Variants in TTC21A observed in about 807,000 individuals in gnomAD.
TTC21A encodes the protein tetratricopeptide repeat domain 21A, also known as tetratricopeptide repeat protein 21A.
In TTC21A, 128 loss-of-function variants were observed where a neutral mutation model predicts 156.4. That is an observed-to-expected ratio of 0.82 (90% CI 0.71 to 0.95). The LOEUF (loss-of-function observed/expected upper bound fraction) is 0.95. Among genes scored for constraint, TTC21A ranks in the 40% least tolerant of loss-of-function variants. The probability of loss-of-function intolerance (pLI) is 0.00; values close to 1 mark genes in which losing one functional copy is unlikely to be tolerated. For synonymous variants in TTC21A, 587 were observed against 617.1 expected (o/e 0.95, Z 0.72); for missense variants, 1,435 against 1,602.3 (o/e 0.90, Z 1.78).
intron 24 of TTC21A, 48 bp from the exon 25 acceptor site, chr3:39,137,147 C>A (rs752600826): frequency 6.3e-7 from 1 of 1,598,144 alleles, no homozygotes; most frequent in Non-Finnish European, 8.5e-7. Context: ...GAGGGCCACA[C>A]GGGCAGGCCA....
rs2037584644 is a variant in TTC21A at position 39,119,652 on chromosome 3, A to G, written c.802-270A>G. ...CAGTCAAAAAAAAAAAAGAAAAAAA[A>G]GAAAAAAAAAAAACAAATTCAAGAA... On this transcript the variant is annotated intron_variant, in intron 7 of 28. Transcript: ENST00000683103. The G allele has an allele frequency of 1.8e-5, 5 of 271,010 alleles. No individual in the cohort carries two copies. In the East Asian group the frequency reaches 2.2e-4, roughly 12 times the overall value. 16.8% of individuals were successfully genotyped at this position (271,010 alleles called of 1,614,324 possible).
intron 7 of TTC21A, chr3:39,119,081 A>T (rs2125787505): frequency 1.3e-5 from 2 of 152,360 alleles, no homozygotes; most frequent in East Asian, 3.9e-4. Flanking sequence ...AGTTAATCCC[A>T]GGGGCAGACT....
chr3:39,115,287 A>G (rs2037183485), intron 6 of TTC21A, among the ~76,000 whole-genome samples: 1 of 152,014 alleles, frequency 6.6e-6, no homozygotes, highest in African/African-American at 2.4e-5. Context: ...ATCTGGAAGC[A>G]TTGTGAAGAG....
intron 9 of TTC21A, among the ~76,000 whole-genome samples, chr3:39,124,625 C>T (rs1274312243): frequency 8.7e-6 from 1 of 114,360 alleles, no homozygotes; most frequent in Non-Finnish European, 1.8e-5. Flanking sequence ...TGCCACTTCA[C>T]TCCAGCCTGG....
Position 39,126,403 on chromosome 3 carries a change from T to A in TTC21A, c.1522+13T>A. Reference sequence around the variant, plus strand: ...AGGTATTACTCAGGTGAGCGGGGGATCCTGACAGCCGGGTGGGGCCTTGCA... The same window carrying A: ...AGGTATTACTCAGGTGAGCGGGGGAACCTGACAGCCGGGTGGGGCCTTGCA... On this transcript the variant is annotated intron_variant, in intron 12 of 28. Transcript: ENST00000683103. 6.2e-7 allele frequency: 1 copy of A among 1,610,358 alleles called. No individual in the cohort carries two copies. The highest frequency in any genetic ancestry group is 8.5e-7 in the Non-Finnish European group (1 of 1,178,082).
intron 5 of TTC21A, among the ~76,000 whole-genome samples, chr3:39,113,039 T>G (rs1047491708): frequency 1.3e-5 from 2 of 152,204 alleles, no homozygotes; most frequent in Non-Finnish European, 2.9e-5. Flanking sequence ...AGTTTCTTTT[T>G]TCTCTTGTGA....
At position 39,128,716 on chromosome 3, in the gene TTC21A, G is replaced by A. The variant is rs2038472788; in HGVS notation, c.1681-1G>A. On this transcript the variant is annotated splice_acceptor_variant, in intron 13 of 28. Coordinates refer to ENST00000683103, the MANE Select transcript of TTC21A (RefSeq NM_001366900.1). LOFTEE classifies it high-confidence loss of function. ...CCCACACTCTGCTGTGCTCCTCCTAGGTCCGAGATCACCCCCTCTACCACC... is the reference window on the plus strand; with the variant it reads ...CCCACACTCTGCTGTGCTCCTCCTAAGTCCGAGATCACCCCCTCTACCACC... 10 of 1,613,944 alleles carry A rather than the reference G, an allele frequency of 6.2e-6. No individual in the cohort carries two copies. The highest frequency in any genetic ancestry group is 2.7e-5 in the African/African-American group (2 of 75,020).
In TTC21A at chr3:39,130,485, AATGGG is replaced by A; in HGVS notation, c.2319+128_2319+132del. On this transcript the variant is annotated intron_variant, in intron 17 of 28. Coordinates refer to ENST00000683103, the MANE Select transcript of TTC21A (RefSeq NM_001366900.1). This position sits in a 1 kb window ranked among gnomAD's most constrained non-coding sequence, Gnocchi z 4.5. ...TGACTTTTCACTCAGCTCCTTGCTG[AATGGG>A]GTGCCAAGGGGAGAACTCAGCAACT... 1 of 942,180 alleles carries A rather than the reference AATGGG, an allele frequency of 1.1e-6. No individual in the cohort carries two copies. Among genetic ancestry groups the A allele is most frequent in the Admixed American group, 2.6e-5 (1 of 38,974 alleles). 58.4% of individuals were successfully genotyped at this position (942,180 alleles called of 1,614,324 possible).
chr3:39,132,533 T>A (rs1445944407), intron 19 of TTC21A, among the ~76,000 whole-genome samples: 1 of 152,232 alleles, frequency 6.6e-6, no homozygotes, highest in African/African-American at 2.4e-5. Flanking sequence ...TTCCTCTTTT[T>A]GGCCCTCGGG....
chr3:39,137,091 C>T, intron 24 of TTC21A, 31 bp downstream of exon 24: 2 of 1,607,198 alleles, frequency 1.2e-6, no homozygotes, highest in Non-Finnish European at 1.7e-6. Flanking sequence ...GGGCGGAACC[C>T]TGGGGAAGTT....
intron 9 of TTC21A, 102 bp downstream of exon 9, chr3:39,121,291 G>A: frequency 2.8e-6 from 3 of 1,078,028 alleles, no homozygotes; most frequent in Admixed American, 2.5e-5. Flanking sequence ...TCTCCTTGAA[G>A]GGTATGTGAA....
intron 23 of TTC21A, 119 bp from the exon 24 acceptor site, chr3:39,136,780 C>A: frequency 7.4e-7 from 1 of 1,343,086 alleles, no homozygotes; most frequent in Non-Finnish European, 1.0e-6. Flanking sequence ...TCCAGGGGAG[C>A]TGGGAAACCA....
chr3:39,114,433 T>C (rs2037102870), intron 5 of TTC21A, 152 bp from the exon 6 acceptor site: 8 of 714,116 alleles, frequency 1.1e-5, no homozygotes, highest in Non-Finnish European at 1.7e-5. Context: ...CCGGGAACTT[T>C]GAGGGGCTAC....
Position 39,125,147 on chromosome 3 carries a change from T to G in TTC21A, c.1178T>G (p.Leu393Arg), listed in dbSNP as rs2038113203. The G allele has an allele frequency of 6.2e-7, 1 of 1,613,394 alleles. No individual in the cohort carries two copies. Among genetic ancestry groups the G allele is most frequent in the Non-Finnish European group, 8.5e-7 (1 of 1,179,640 alleles). ...LEFLKEVQKS[L>R]GKSEVLIFLQ... ...TTCCTGAAGGAGGTGCAGAAGTCCCTTGGGAAGTCTGAGGTCAGAGCTCCC... is the reference window on the plus strand; with the variant it reads ...TTCCTGAAGGAGGTGCAGAAGTCCCGTGGGAAGTCTGAGGTCAGAGCTCCC... The change falls in exon 10 of 29, where the codon CTT (leucine) becomes CGT (arginine). Residue 393 changes from leucine (L) to arginine (R), a missense_variant. Physicochemically the swap from Leu to Arg is moderately radical, Grantham distance 102. Transcript: ENST00000683103.
intron 3 of TTC21A, 140 bp from the exon 4 acceptor site, chr3:39,110,711 G>A: frequency 1.2e-6 from 1 of 835,712 alleles, no homozygotes; most frequent in Non-Finnish European, 1.9e-6. Flanking sequence ...GCTGCATGCG[G>A]TGTGCTGCAT....
chr3:39,119,853 G>A, intron 7 of TTC21A, 69 bp from the exon 8 acceptor site: 1 of 1,066,576 alleles, frequency 9.4e-7, no homozygotes, highest in Non-Finnish European at 1.4e-6. Flanking sequence ...ATGCAGTCAG[G>A]GTTGAGAACC....
At chr3:39,122,817 A>G (rs1276557984) in intron 9 of TTC21A, among the ~76,000 whole-genome samples, 1 of 152,234 alleles carries the variant, frequency 6.6e-6, no homozygotes, top group Non-Finnish European at 1.5e-5. Context: ...TTCAAGGGGC[A>G]GAGTCCCAGT....
At chr3:39,125,644 G>C in intron 11 of TTC21A, 112 bp downstream of exon 11, 1 of 816,682 alleles carries the variant, frequency 1.2e-6, no homozygotes, top group East Asian at 2.4e-5. Context: ...TAAGGATGGG[G>C]TGAGCCTTGG....
chr3:39,109,294 T>C, intron 2 of TTC21A, 80 bp downstream of exon 2: 1 of 1,484,298 alleles, frequency 6.7e-7, no homozygotes, highest in Non-Finnish European at 9.3e-7. Flanking sequence ...GGATGCCTTC[T>C]TGTATCCTAG....
Sources: gnomAD v4.1 joint callset for allele counts (sites outside exome capture counted in the v4.1 genomes callset) on GRCh38, gnomAD v4.1.1 for gene constraint, Gnocchi (gnomAD v3.1) non-coding constraint, MANE v1.5 for transcripts, NCBI Gene and HGNC (gene_info 2026-07-23, HGNC 2026-07-21) for gene names.